Variants in VIT observed in about 807,000 individuals in gnomAD.
The protein encoded by VIT is vitrin.
A neutral mutation model predicts 78.0 loss-of-function variants in VIT; 99 were observed. The observed-to-expected ratio is 1.27, with a 90% confidence interval of 1.08 to 1.50. The LOEUF is 1.50. Ranked by LOEUF, VIT falls within the 40% of genes most tolerant of loss-of-function variation. The pLI, the probability that VIT is intolerant of heterozygous loss-of-function variation, is 0.00. For synonymous variants in VIT, 374 were observed against 334.3 expected (o/e 1.12, Z -1.29); for missense variants, 1,126 against 875.3 (o/e 1.29, Z -3.61).
chr2:36,811,390 G>T (rs1308446288), intron 15 of VIT, among the ~76,000 whole-genome samples: 1 of 152,162 alleles, frequency 6.6e-6, no homozygotes, highest in Non-Finnish European at 1.5e-5. Flanking sequence ...GGTATCCTTG[G>T]CCTACTCATC....
chr2:36,744,944 T>A (rs181147766), intron 4 of VIT, among the ~76,000 whole-genome samples: 1 of 152,312 alleles, frequency 6.6e-6, no homozygotes, highest in Non-Finnish European at 1.5e-5. Context: ...TTTTTATAGT[T>A]TGAAGTCTTA....
intron 13 of VIT, among the ~76,000 whole-genome samples, chr2:36,802,747 G>A (rs1329193567): frequency 2.0e-5 from 3 of 152,202 alleles, no homozygotes; most frequent in Admixed American, 6.5e-5. Context: ...ATCAGCATAC[G>A]TTTTTCAGTG....
At position 36,755,004 on chromosome 2, in the gene VIT, G is replaced by A; in HGVS notation, c.359G>A (p.Gly120Asp). ...GGTTACAAAGGGAGTTATTCCAACG[G>A]TGTCCAATCGTTATCCCTACCACGA... ...QSGYKGSYSN[G>D]VQSLSLPRWR... Residue 120 changes from glycine to aspartate, a missense_variant, in exon 5 of 16, where the codon GGT (glycine) becomes GAT (aspartate). Physicochemically the swap from Gly to Asp is moderately conservative, Grantham distance 94 (BLOSUM62 -1). Coordinates refer to ENST00000379242, the MANE Select transcript of VIT (RefSeq NM_053276.4). 6.2e-7 allele frequency: 1 copy of A among 1,614,148 alleles called. No homozygotes were observed.
chr2:36,701,885 T>C (rs1665082604), intron 1 of VIT, among the ~76,000 whole-genome samples: 1 of 152,186 alleles, frequency 6.6e-6, no homozygotes, highest in Non-Finnish European at 1.5e-5. Context: ...GGAGCAAATA[T>C]TTTTTGGGCC....
chr2:36,753,915 G>A (rs562295658), intron 4 of VIT, among the ~76,000 whole-genome samples: 1 of 152,242 alleles, frequency 6.6e-6, no homozygotes, highest in South Asian at 2.1e-4. Context: ...AATCCCTCTT[G>A]CAATTTACTA....
At chr2:36,800,565 T>A (rs994220602) in intron 12 of VIT, among the ~76,000 whole-genome samples, 3 of 151,998 alleles carry the variant, frequency 2.0e-5, no homozygotes, top group African/African-American at 7.2e-5. Flanking sequence ...TGTGGCTGAG[T>A]GTCAGTGGTT....
Position 36,808,878 on chromosome 2 carries a change from A to T in VIT, c.1796A>T (p.Gln599Leu), listed in dbSNP as rs751658366. ...GCTGCCATCAACTTCGCCCTGGAGC[A>T]GCTCTTCAAGAAGTCCAAGCCCAAC... ...TGAAINFALE[Q>L]LFKKSKPNKR... Residue 599 changes from glutamine (Q) to leucine (L), a missense_variant, in exon 15 of 16, where the codon CAG becomes CTG. Coordinates refer to ENST00000379242, the MANE Select transcript of VIT (RefSeq NM_053276.4). The T allele has an allele frequency of 6.2e-7, 1 of 1,614,198 alleles. No individual in the cohort carries two copies. The highest frequency in any genetic ancestry group is 8.5e-7 in the Non-Finnish European group (1 of 1,180,030).
intron 1 of VIT, among the ~76,000 whole-genome samples, chr2:36,712,806 G>A (rs2148439549): frequency 6.6e-6 from 1 of 152,344 alleles, no homozygotes; most frequent in Admixed American, 6.5e-5. Flanking sequence ...TTGCACTCCA[G>A]CCTGGGCGAC....
chr2:36,733,415 T>C (rs943193265), intron 3 of VIT, among the ~76,000 whole-genome samples: 4 of 152,134 alleles, frequency 2.6e-5, no homozygotes, highest in Non-Finnish European at 5.9e-5. Flanking sequence ...AGAATCTAAT[T>C]GCATCAGGCG....
chr2:36,755,570 G>A (rs1365243102), intron 5 of VIT, among the ~76,000 whole-genome samples: 9 of 152,250 alleles, frequency 5.9e-5, no homozygotes, highest in East Asian at 5.8e-4. Flanking sequence ...AAGATACCCC[G>A]TAATTAATAA....
At chr2:36,771,056 A>G (rs145130838) in intron 7 of VIT, among the ~76,000 whole-genome samples, 3 of 152,048 alleles carry the variant, frequency 2.0e-5, no homozygotes, top group African/African-American at 7.2e-5. Flanking sequence ...CCTTACCAAC[A>G]CTCATCTCAC....
intron 1 of VIT, among the ~76,000 whole-genome samples, chr2:36,698,411 T>C (rs1193431986): frequency 1.3e-5 from 2 of 152,176 alleles, no homozygotes; most frequent in Non-Finnish European, 2.9e-5. Context: ...ATAAGACACA[T>C]TGAATACAGG....
chr2:36,799,056 C>T (rs1421572545), intron 12 of VIT, among the ~76,000 whole-genome samples: 2 of 152,208 alleles, frequency 1.3e-5, no homozygotes, highest in Non-Finnish European at 2.9e-5. Flanking sequence ...TTGGGTTTTT[C>T]TCCAGTGCCC....
Position 36,759,112 on chromosome 2 carries a change from G to A in VIT, c.487+66G>A, listed in dbSNP as rs753407615. 4 of 1,614,164 alleles carry A rather than the reference G, an allele frequency of 2.5e-6. No individual in the cohort carries two copies. The East Asian group carries it at 8.9e-5, about 36-fold the overall frequency. ...CATGAACACGCGACGTGTTTTGGGA[G>A]ATAGCGGAGAAATTAACATCTTAAC... On this transcript the variant is annotated intron_variant, in intron 6 of 15. Coordinates refer to ENST00000379242, the MANE Select transcript of VIT (RefSeq NM_053276.4).
intron 12 of VIT, among the ~76,000 whole-genome samples, chr2:36,788,559 G>A (rs1241301165): frequency 6.6e-6 from 1 of 152,146 alleles, no homozygotes; most frequent in Non-Finnish European, 1.5e-5. Flanking sequence ...TCAAGCTCAG[G>A]GGATCTATCT....
Position 36,798,633 on chromosome 2 carries a change from C to T in VIT, c.1059-2668C>T, listed in dbSNP as rs147074614. ...AATAAGCCAGGCATGGTGAAAGGTG[C>T]CTGTAATCCCAGCTACTCCAGAGGC... On this transcript the variant is annotated intron_variant, in intron 12 of 15. Transcript: ENST00000379242. Among the ~76,000 whole-genome samples the T allele has an allele frequency of 1.8e-4, 28 of 152,186 alleles. No individual in the cohort carries two copies. In the East Asian group the frequency reaches 5.0e-3, roughly 27 times the overall value.
At chr2:36,781,273 T>A (rs1664733831) in intron 9 of VIT, among the ~76,000 whole-genome samples, 1 of 152,128 alleles carries the variant, frequency 6.6e-6, no homozygotes, top group African/African-American at 2.4e-5. Flanking sequence ...TATGGATAGA[T>A]GGGAAAGGAT....
chr2:36,776,962 G>A (rs1016712948), intron 9 of VIT, among the ~76,000 whole-genome samples: 23 of 149,900 alleles, frequency 1.5e-4, no homozygotes, highest in East Asian at 2.0e-4. Context: ...GGTGGCGGGC[G>A]CCTGTAGTCC....
chr2:36,704,995 T>G (rs538278816), intron 1 of VIT, among the ~76,000 whole-genome samples: 3 of 152,078 alleles, frequency 2.0e-5, no homozygotes, highest in Non-Finnish European at 4.4e-5. Flanking sequence ...AACACCCAGC[T>G]CCAAATTCAC....
Sources: gnomAD v4.1 joint callset for allele counts (sites outside exome capture counted in the v4.1 genomes callset) on GRCh38, gnomAD v4.1.1 for gene constraint, MANE v1.5 for transcripts, NCBI Gene and HGNC (gene_info 2026-07-23, HGNC 2026-07-21) for gene names.